The following CPED1 variants were observed in gnomAD, a reference collection of about 807,000 sequenced individuals.
The protein encoded by CPED1 is cadherin like and PC-esterase domain containing 1, also known as cadherin-like and PC-esterase domain-containing protein 1.
Under a neutral mutation model 128.2 loss-of-function variants are expected in CPED1, and 114 were observed. The ratio of observed to expected loss-of-function variants is 0.89; its 90% CI spans 0.76 to 1.04. The LOEUF is 1.04. CPED1 is among the 50% of genes least tolerant of loss of function. CPED1 has a pLI of 0.00. For synonymous variants in CPED1, 462 were observed against 426.7 expected, an observed-to-expected ratio of 1.08 and a Z score of -1.02; for missense variants, 1,211 against 1,207.1, an observed-to-expected ratio of 1.00 and a Z score of -0.05.
intron 16 of CPED1, among the ~76,000 whole-genome samples, chr7:121,170,233 AGT>A (rs1009642633): frequency 3.3e-5 from 5 of 152,198 alleles, no homozygotes; most frequent in Non-Finnish European, 7.3e-5. Context: ...CTCTATGCTC[AGT>A]GGCATCAGAC....
At chr7:121,091,087 C>T (rs1160523928) in intron 5 of CPED1, among the ~76,000 whole-genome samples, 1 of 151,952 alleles carries the variant, frequency 6.6e-6, no homozygotes, top group African/African-American at 2.4e-5. Context: ...TGACTACAAG[C>T]TATTTCTGTT....
intron 16 of CPED1, among the ~76,000 whole-genome samples, chr7:121,216,913 T>TA (rs1358898775): frequency 7.2e-5 from 11 of 152,182 alleles, no homozygotes; most frequent in African/African-American, 2.6e-4. Context: ...GCTCAACTGT[T>TA]ACACTTTTTT....
At chr7:120,997,647 G>A (rs1054314323) in intron 2 of CPED1, among the ~76,000 whole-genome samples, 1 of 152,156 alleles carries the variant, frequency 6.6e-6, no homozygotes, top group Non-Finnish European at 1.5e-5. Flanking sequence ...TAGATGGGGC[G>A]TGGTGGCTCA....
At chr7:120,995,962 TCC>T (rs753824084) in intron 2 of CPED1, among the ~76,000 whole-genome samples, 9,536 of 142,794 alleles carry the variant, frequency 0.067, 881 homozygotes, top group African/African-American at 0.22. Flanking sequence ...CTCCTCCTCC[TCC>T]TCCTCCTTCT....
chr7:121,034,593 A>G (rs1792838469), intron 3 of CPED1, among the ~76,000 whole-genome samples: 1 of 152,074 alleles, frequency 6.6e-6, no homozygotes, highest in South Asian at 2.1e-4. Context: ...GTCTTATTCA[A>G]CACACTGTTA....
At chr7:121,098,789 TAA>T (rs5887012) in intron 6 of CPED1, among the ~76,000 whole-genome samples, 41,389 of 137,568 alleles carry the variant, frequency 0.3, 7,483 homozygotes, top group Middle Eastern at 0.39. Context: ...TAAAAATATA[TAA>T]AAATATATAT....
intron 7 of CPED1, among the ~76,000 whole-genome samples, chr7:121,107,428 G>T (rs888508239): frequency 6.6e-6 from 1 of 152,050 alleles, no homozygotes; most frequent in Non-Finnish European, 1.5e-5. Context: ...AAGAGAGTTT[G>T]CTTATTCTTT....
intron 16 of CPED1, among the ~76,000 whole-genome samples, chr7:121,147,570 A>G (rs1354437739): frequency 6.6e-6 from 1 of 152,156 alleles, no homozygotes; most frequent in Non-Finnish European, 1.5e-5. Flanking sequence ...ACCCCTTTCC[A>G]TATCAAAAAG....
chr7:121,019,220 G>A (rs1245886018), intron 3 of CPED1, among the ~76,000 whole-genome samples: 1 of 152,032 alleles, frequency 6.6e-6, no homozygotes, highest in Admixed American at 6.6e-5. Flanking sequence ...AGAAGTTGAT[G>A]TCTCTATTGG....
chr7:121,252,535 A>G (rs1263420941), intron 18 of CPED1, among the ~76,000 whole-genome samples: 1 of 152,116 alleles, frequency 6.6e-6, no homozygotes, highest in Admixed American at 6.6e-5. Flanking sequence ...CAGGCAACCT[A>G]CAAAATGGGA....
chr7:121,180,848 T>C (rs1210058020), intron 16 of CPED1, among the ~76,000 whole-genome samples: 1 of 151,998 alleles, frequency 6.6e-6, no homozygotes, highest in Non-Finnish European at 1.5e-5. Flanking sequence ...GTAATGTTCT[T>C]AGTTACTTTT....
chr7:120,989,450 G>C lies in CPED1; in HGVS notation c.-172G>C. On this transcript the variant is annotated 5_prime_UTR_variant, in exon 2 of 23. Coordinates refer to ENST00000310396, the MANE Select transcript of CPED1 (RefSeq NM_024913.5). ...TCTTATTAAAAGCCTCAGACTTTCGGGACCTATGATTCTTTGGCACAACCT... is the reference window on the plus strand; with the variant it reads ...TCTTATTAAAAGCCTCAGACTTTCGCGACCTATGATTCTTTGGCACAACCT... 1.4e-6 allele frequency: 1 copy of C among 726,448 alleles called. No individual in the cohort carries two copies. Among genetic ancestry groups the C allele is most frequent in the African/African-American group, 1.8e-5 (1 of 56,246 alleles). The allele number at this position is 726,448 out of a possible 1,614,324, so 45.0% of individuals were successfully genotyped here.
intron 5 of CPED1, among the ~76,000 whole-genome samples, chr7:121,073,053 G>C (rs1326648087): frequency 2.0e-5 from 3 of 152,132 alleles, no homozygotes; most frequent in Admixed American, 6.6e-5. Flanking sequence ...TCGTGCACTT[G>C]AAGACTTGCC....
At chr7:121,170,374 G>A (rs1350057428) in intron 16 of CPED1, among the ~76,000 whole-genome samples, 2 of 151,910 alleles carry the variant, frequency 1.3e-5, no homozygotes, top group Non-Finnish European at 2.9e-5. Flanking sequence ...TTCTCACCCT[G>A]GGCCTCATTC....
At chr7:121,125,992 A>G (rs1489796926) in intron 9 of CPED1, 100 bp downstream of exon 9, 2 of 865,036 alleles carry the variant, frequency 2.3e-6, no homozygotes, top group Non-Finnish European at 1.9e-6. Context: ...ACCAATCAAT[A>G]AATAGCAATT....
intron 3 of CPED1, among the ~76,000 whole-genome samples, chr7:121,020,420 T>C (rs1413788788): frequency 6.6e-6 from 1 of 151,914 alleles, no homozygotes; most frequent in Non-Finnish European, 1.5e-5. Flanking sequence ...AAAGGCAGAG[T>C]TGATTAATTG....
intron 22 of CPED1, among the ~76,000 whole-genome samples, chr7:121,280,325 AG>A (rs1422013865): frequency 1.3e-5 from 2 of 152,166 alleles, no homozygotes; most frequent in Non-Finnish European, 2.9e-5. Context: ...TGAGACTGTA[AG>A]ATAGAACCAA....
At chr7:121,099,235 G>A (rs2896301) in intron 6 of CPED1, among the ~76,000 whole-genome samples, 2 of 152,038 alleles carry the variant, frequency 1.3e-5, no homozygotes, top group Non-Finnish European at 2.9e-5. Flanking sequence ...CACCCAAACT[G>A]TAATTTATAT....
chr7:121,257,200 G>C (rs1317515), intron 18 of CPED1, among the ~76,000 whole-genome samples: 63,050 of 151,574 alleles, frequency 0.42, 13,557 homozygotes, highest in Middle Eastern at 0.52. Context: ...GCACACATAC[G>C]CCATATCTGC....
Sources: allele counts gnomAD v4.1 joint callset (sites outside exome capture counted in the v4.1 genomes callset), GRCh38; gene constraint gnomAD v4.1.1; transcripts MANE v1.5; gene names NCBI Gene and HGNC (gene_info 2026-07-23, HGNC 2026-07-21).